The following SNCG variants were observed in gnomAD, a reference collection of about 807,000 sequenced individuals.
SNCG encodes the protein gamma-synuclein.
A neutral mutation model predicts 16.0 loss-of-function variants in SNCG; 13 were observed. That is an observed-to-expected ratio of 0.81 (90% CI 0.53 to 1.29). The LOEUF (loss-of-function observed/expected upper bound fraction) is 1.29, where lower values mean the gene tolerates loss of function less well. SNCG is among the 50% of genes most tolerant of loss of function. The pLI, the probability that SNCG is intolerant of heterozygous loss-of-function variation, is 0.00. For synonymous variants in SNCG, 66 were observed against 66.3 expected, an observed-to-expected ratio of 1.00 and a Z score of 0.02; for missense variants, 154 against 168.5, an observed-to-expected ratio of 0.91 and a Z score of 0.48.
Position 86,963,251 on chromosome 10 carries a change from C to T in SNCG, c.*266C>T. On this transcript the variant is annotated 3_prime_UTR_variant, in exon 5 of 5. Transcript: ENST00000372017. ...AAATGATTCCAAATAAAACTTGAGCCCACTCCTGCCATGCTTCCTCTGGGT... is the reference window on the plus strand; with the variant it reads ...AAATGATTCCAAATAAAACTTGAGCTCACTCCTGCCATGCTTCCTCTGGGT... The T allele has an allele frequency of 2.5e-6, 1 of 404,256 alleles. No individual in the cohort carries two copies. The highest frequency in any genetic ancestry group is 4.4e-6 in the Non-Finnish European group (1 of 227,356). 25.0% of individuals were successfully genotyped at this position (404,256 alleles called of 1,614,324 possible). A position where few individuals can be genotyped will look rare whatever the true frequency, so the allele number is the denominator to read the frequency against.
Position 86,958,605 on chromosome 10 carries a change from C to T in SNCG, c.-93C>T, listed in dbSNP as rs555640385. ...GTCAATAGGAGGCATCGGGGACAGC[C>T]GCTGCGGCAGCACTCGAGCCAGCTC... On this transcript the variant is annotated 5_prime_UTR_variant, in exon 1 of 5. Transcript: ENST00000372017. 224 of 1,581,692 alleles carry T rather than the reference C, an allele frequency of 1.4e-4. No homozygotes were observed. In the Middle Eastern group the frequency reaches 2.2e-3, roughly 16 times the overall value.
chr10:86,956,011 C>T (rs1181348581), upstream of SNCG, among the ~76,000 whole-genome samples: 1 of 152,170 alleles, frequency 6.6e-6, no homozygotes, highest in African/African-American at 2.4e-5. Flanking sequence ...GCAGCTCCCT[C>T]CTCCCTCCCG....
At position 86,959,365 on chromosome 10, in the gene SNCG, G is replaced by A. The variant is rs560331529; in HGVS notation, c.122-268G>A. 8.3e-4 allele frequency: 467 copies of A among 562,306 alleles called. No homozygotes were observed. Among genetic ancestry groups the A allele is most frequent in the Non-Finnish European group, 1.2e-3 (367 of 317,992 alleles). The allele number at this position is 562,306 out of a possible 1,614,324, so 34.8% of individuals were successfully genotyped here. A position where few individuals can be genotyped will look rare whatever the true frequency, so the allele number is the denominator to read the frequency against. On this transcript the variant is annotated intron_variant, in intron 1 of 4. Coordinates refer to ENST00000372017, the MANE Select transcript of SNCG (RefSeq NM_003087.3). The surrounding 1 kb of genome is among the most constrained non-coding windows in gnomAD (Gnocchi z 4.3). ...CTGCTTCTGAGGCCCGGCCACACCC[G>A]GGCAGGGGCTGGACCCTGGGTCTAG...
At position 86,959,526 on chromosome 10, in the gene SNCG, A is replaced by AC. The variant is rs1313888639; in HGVS notation, c.122-100dup. ...CCGCCGGCCCCCAGACACCATCCTT[A>AC]CCCCCCCACCGACCCCACAGTTTGT... On this transcript the variant is annotated intron_variant, in intron 1 of 4. Transcript: ENST00000372017. The surrounding 1 kb of genome is among the most constrained non-coding windows in gnomAD (Gnocchi z 4.3). 25 of 859,038 alleles carry AC rather than the reference A, an allele frequency of 2.9e-5. No homozygotes were observed. The highest frequency in any genetic ancestry group is 1.0e-4 in the South Asian group (7 of 68,878). 53.2% of individuals were successfully genotyped at this position (859,038 alleles called of 1,614,324 possible). A position where few individuals can be genotyped will look rare whatever the true frequency, so the allele number is the denominator to read the frequency against.
intron 3 of SNCG, among the ~76,000 whole-genome samples, chr10:86,961,120 A>G (rs1320845435): frequency 2.6e-5 from 4 of 151,720 alleles, no homozygotes; most frequent in Admixed American, 2.6e-4. Context: ...CTGAGCACTG[A>G]GAATCCCTGC....
chr10:86,956,437 C>T (rs866681405), upstream of SNCG, among the ~76,000 whole-genome samples: 39 of 152,198 alleles, frequency 2.6e-4, no homozygotes, highest in Admixed American at 2.4e-3. Context: ...TAAGTTGGCC[C>T]CCCCCTCACT....
At chr10:86,957,509 G>GC, upstream of SNCG, 1 of 1,612,546 alleles carries the variant, frequency 6.2e-7, no homozygotes, top group Non-Finnish European at 8.5e-7. Context: ...AGCCCAGGGG[G>GC]CCCCCAAGGC....
Position 86,959,670 on chromosome 10 carries a change from C to G in SNCG, c.159C>G (p.Thr53=). Residue 53 remains threonine (T), a synonymous_variant, in exon 2 of 5, where the codon ACC becomes ACG. Coordinates refer to ENST00000372017, the MANE Select transcript of SNCG (RefSeq NM_003087.3). This position sits in a 1 kb window ranked among gnomAD's most constrained non-coding sequence, Gnocchi z 4.3. ...KTKENVVQSV[T]SVAEKTKEQA... Reference sequence around the variant, plus strand: ...AGGAGAATGTTGTACAGAGCGTGACCTCAGGTGAGAAGCCCCAGGGCCAGG... The same window carrying G: ...AGGAGAATGTTGTACAGAGCGTGACGTCAGGTGAGAAGCCCCAGGGCCAGG... 6.2e-7 allele frequency: 1 copy of G among 1,609,932 alleles called. No homozygotes were observed. Among genetic ancestry groups the G allele is most frequent in the Non-Finnish European group, 8.5e-7 (1 of 1,178,310 alleles).
chr10:86,960,225 A>C, intron 3 of SNCG, 97 bp downstream of exon 3: 1 of 1,205,608 alleles, frequency 8.3e-7, no homozygotes, highest in Non-Finnish European at 1.2e-6. Flanking sequence ...CCAGGAAACA[A>C]CACGGGGGGC....
At position 86,959,454 on chromosome 10, in the gene SNCG, TC is replaced by T. The variant is rs1844299527; in HGVS notation, c.122-177del. 4.7e-6 allele frequency: 3 copies of T among 636,970 alleles called. No individual in the cohort carries two copies. The South Asian group carries it at 5.5e-5, about 12-fold the overall frequency. The allele number at this position is 636,970 out of a possible 1,614,324, so 39.5% of individuals were successfully genotyped here. On this transcript the variant is annotated intron_variant, in intron 1 of 4. Coordinates refer to ENST00000372017, the MANE Select transcript of SNCG (RefSeq NM_003087.3). This position sits in a 1 kb window ranked among gnomAD's most constrained non-coding sequence, Gnocchi z 4.3. ...CACATTCTGTCCTGTCCCCTTCCCA[TC>T]CATCCACTTCTTCCAGACACAGCAG...
At chr10:86,962,502 CT>C (rs1844371252) in intron 3 of SNCG, 101 bp from the exon 4 acceptor site, 1 of 785,878 alleles carries the variant, frequency 1.3e-6, no homozygotes, top group Non-Finnish European at 2.1e-6. Context: ...CGAGGGGCCT[CT>C]GCTCCTCCTT....
chr10:86,956,393 T>G (rs1333615676), upstream of SNCG, among the ~76,000 whole-genome samples: 3 of 152,180 alleles, frequency 2.0e-5, no homozygotes, highest in Non-Finnish European at 4.4e-5. Flanking sequence ...AGGTCCGCTC[T>G]GCGATGGTGG....
chr10:86,956,395 C>T (rs758702309), upstream of SNCG, among the ~76,000 whole-genome samples: 2 of 152,194 alleles, frequency 1.3e-5, no homozygotes, highest in Admixed American at 6.5e-5. Flanking sequence ...GTCCGCTCTG[C>T]GATGGTGGCT....
Position 86,961,097 on chromosome 10 carries a change from G to A in SNCG, c.291+969G>A, listed in dbSNP as rs115035510. 8.0e-3 allele frequency among the ~76,000 whole-genome samples: 1,219 copies of A among 152,198 alleles called. 17 individuals are homozygous for A. The highest frequency in any genetic ancestry group is 0.028 in the African/African-American group (1,173 of 41,504). On this transcript the variant is annotated intron_variant, in intron 3 of 4. Coordinates refer to ENST00000372017, the MANE Select transcript of SNCG (RefSeq NM_003087.3). ...ACCTGCTCCAGGCCTCCTAGGTGGT[G>A]GAGTCTGAGGCTCTGAGCACTGAGA...
In SNCG at chr10:86,958,679, A is replaced by C. The variant is rs1800373; in HGVS notation, c.-19A>C. The C allele has an allele frequency of 0.54, 873,317 of 1,613,038 alleles. 238,022 individuals are homozygous for C. The highest frequency in any genetic ancestry group is 0.69 in the East Asian group (31,123 of 44,836). ...CCAGCTCCGTCCTGCCTGCAGCAGC[A>C]CAACCCTGCACACCCACCATGGATG... On this transcript the variant is annotated 5_prime_UTR_variant, in exon 1 of 5. Transcript: ENST00000372017.
At chr10:86,957,509 G>A (rs763538752), upstream of SNCG, 12 of 1,612,546 alleles carry the variant, frequency 7.4e-6, no homozygotes, top group Admixed American at 2.0e-4. Context: ...AGCCCAGGGG[G>A]CCCCCAAGGC....
In SNCG at chr10:86,961,781, G is replaced by A. The variant is rs375031771; in HGVS notation, c.292-823G>A. Among the ~76,000 whole-genome samples, 22 of 152,264 alleles carry A rather than the reference G, an allele frequency of 1.4e-4. No individual in the cohort carries two copies. The East Asian group carries it at 2.1e-3, about 15-fold the overall frequency. ...CCCCTGGATAGCCTGGCCGACTCCC[G>A]CCAGCACAGCACTGCCCTTTTATGC... On this transcript the variant is annotated intron_variant, in intron 3 of 4. Coordinates refer to ENST00000372017, the MANE Select transcript of SNCG (RefSeq NM_003087.3).
chr10:86,961,882 G>A (rs1050882029), intron 3 of SNCG, among the ~76,000 whole-genome samples: 8 of 152,298 alleles, frequency 5.3e-5, no homozygotes, highest in South Asian at 4.1e-4. Flanking sequence ...CCCGTCCCCC[G>A]CCAGAGGCAG....
At position 86,963,095 on chromosome 10, in the gene SNCG, C is replaced by G; in HGVS notation, c.*110C>G. 1.7e-6 allele frequency: 2 copies of G among 1,161,972 alleles called. No individual in the cohort carries two copies. The highest frequency in any genetic ancestry group is 2.4e-6 in the Non-Finnish European group (2 of 829,994). 72.0% of individuals were successfully genotyped at this position (1,161,972 alleles called of 1,614,324 possible). On this transcript the variant is annotated 3_prime_UTR_variant, in exon 5 of 5. Coordinates refer to ENST00000372017, the MANE Select transcript of SNCG (RefSeq NM_003087.3). Reference sequence around the variant, plus strand: ...TGAGTGACATGCGGCTGCCCACGCTCCTGCCCTCGTCTCCCTGGCCACCCT... The same window carrying G: ...TGAGTGACATGCGGCTGCCCACGCTGCTGCCCTCGTCTCCCTGGCCACCCT...
Sources: allele counts gnomAD v4.1 joint callset (sites outside exome capture counted in the v4.1 genomes callset), GRCh38; gene constraint gnomAD v4.1.1; non-coding constraint Gnocchi (gnomAD v3.1); transcripts MANE v1.5; gene names NCBI Gene and HGNC (gene_info 2026-07-23, HGNC 2026-07-21).